Variants in RICTOR observed in about 807,000 individuals in gnomAD.
The protein encoded by RICTOR is rapamycin-insensitive companion of mTOR.
A neutral mutation model predicts 214.9 loss-of-function variants in RICTOR; 49 were observed. The observed-to-expected ratio is 0.23, with a 90% CI of 0.18 to 0.29. The LOEUF (loss-of-function observed/expected upper bound fraction) is 0.29. Among genes scored for constraint, RICTOR ranks in the 10% least tolerant of loss-of-function variants. The pLI is 1.00. For synonymous variants in RICTOR, 717 were observed against 711.3 expected, an observed-to-expected ratio of 1.01 and a Z score of -0.13; for missense variants, 1,625 against 2,047.0, an observed-to-expected ratio of 0.79 and a Z score of 3.98.
chr5:39,055,135 C>T (rs990793346), intron 2 of RICTOR, among the ~76,000 whole-genome samples: 5 of 152,128 alleles, frequency 3.3e-5, no homozygotes, highest in Non-Finnish European at 5.9e-5. Flanking sequence ...TCTAAATTAT[C>T]TCACCATATC....
Position 38,950,121 on chromosome 5 carries a change from C to T in RICTOR, c.3727G>A (p.Val1243Ile), listed in dbSNP as rs767114871. 1.2e-6 allele frequency: 2 copies of T among 1,613,420 alleles called. No homozygotes were observed. Among genetic ancestry groups the T allele is most frequent in the South Asian group, 1.1e-5 (1 of 91,062 alleles). ...TCTGTGTCCATAGTTGTAGCATCTACACCTACTGTCTCTCGTGAAGGACTT... is the reference window on the plus strand; with the variant it reads ...TCTGTGTCCATAGTTGTAGCATCTATACCTACTGTCTCTCGTGAAGGACTT... ...SSSPSRETVG[V>I]DATTMDTDCG... The change falls in exon 31 of 38, where the codon GTA (valine) becomes ATA (isoleucine). Residue 1243 changes from valine to isoleucine, a missense_variant. By Grantham distance (29) the Val-to-Ile change is conservative. Transcript: ENST00000357387.
In RICTOR at chr5:38,958,742, C is replaced by G; in HGVS notation, c.2268G>C (p.Val756=). ...TTTTGTTTTTATCATGTAGCTGGGT[C>G]ACTAACAACTCAATTCCCCAATTAT... ...FFNNWGIELL[V]TQLHDKNKTI... is the part of the protein sequence containing the mutation. Residue 756 remains valine (V), a synonymous_variant, in exon 23 of 38, where the codon GTG becomes GTC. Coordinates refer to ENST00000357387, the MANE Select transcript of RICTOR (RefSeq NM_152756.5). The G allele has an allele frequency of 6.2e-7, 1 of 1,611,014 alleles. No homozygotes were observed.
At chr5:38,985,016 T>C (rs1752051976) in intron 7 of RICTOR, among the ~76,000 whole-genome samples, 2 of 152,168 alleles carry the variant, frequency 1.3e-5, no homozygotes, top group African/African-American at 4.8e-5. Flanking sequence ...TCCATGTTGG[T>C]TGGCCAGGAT....
intron 2 of RICTOR, among the ~76,000 whole-genome samples, chr5:39,031,040 T>A (rs1415375225): frequency 6.6e-6 from 1 of 152,180 alleles, no homozygotes; most frequent in African/African-American, 2.4e-5. Context: ...TGTCATTATC[T>A]CTTCTTCTAG....
chr5:39,069,041 T>A (rs1384238890), intron 2 of RICTOR, among the ~76,000 whole-genome samples: 3 of 152,212 alleles, frequency 2.0e-5, no homozygotes, highest in Admixed American at 6.5e-5. Context: ...AGCTGAATAT[T>A]AAGTAAAATA....
intron 2 of RICTOR, among the ~76,000 whole-genome samples, chr5:39,034,388 G>A (rs555909274): frequency 1.3e-5 from 2 of 152,334 alleles, no homozygotes; most frequent in Admixed American, 1.3e-4. Flanking sequence ...CCCAGCATGA[G>A]CAATGCAGAA....
intron 3 of RICTOR, among the ~76,000 whole-genome samples, chr5:39,008,636 C>T (rs1754252897): frequency 6.6e-6 from 1 of 151,994 alleles, no homozygotes; most frequent in African/African-American, 2.4e-5. Flanking sequence ...ATCTGGAGAA[C>T]TGCACCCTGG....
chr5:38,971,634 G>A (rs1045309015), intron 11 of RICTOR: 6 of 265,772 alleles, frequency 2.3e-5, no homozygotes, highest in Non-Finnish European at 4.2e-5. Context: ...ACCCACTTCG[G>A]CCTCCCAAAG....
At position 38,945,471 on chromosome 5, in the gene RICTOR, G is replaced by A; in HGVS notation, c.4633+20C>T. The stretch of plus-strand genomic sequence containing the variant: ...TTAGTCATCACTAGGTTTTTCTGAA[G>A]GTGGGACGTGATCACTTACCTGAAT... On this transcript the variant is annotated intron_variant, in intron 34 of 37. Transcript: ENST00000357387. 2 of 1,513,742 alleles carry A rather than the reference G, an allele frequency of 1.3e-6. No homozygotes were observed. The highest frequency in any genetic ancestry group is 1.1e-5 in the South Asian group (1 of 87,840). The allele number at this position is 1,513,742 out of a possible 1,614,324, so 93.8% of individuals were successfully genotyped here. A position where few individuals can be genotyped will look rare whatever the true frequency, so the allele number is the denominator to read the frequency against.
chr5:39,004,776 C>CT (rs70982534), intron 3 of RICTOR, among the ~76,000 whole-genome samples: 1,303 of 105,746 alleles, frequency 0.012, 28 homozygotes, highest in South Asian at 0.026. Flanking sequence ...CTCTCAGACT[C>CT]TTTTTTTTTT....
intron 14 of RICTOR, 176 bp downstream of exon 14, chr5:38,966,985 G>C (rs1750287400): frequency 1.5e-6 from 1 of 664,952 alleles, no homozygotes; most frequent in Non-Finnish European, 2.7e-6. Context: ...ATTTTTAGTT[G>C]AGACACAGTT....
chr5:38,943,661 AAAT>A (rs2112794145), intron 36 of RICTOR, among the ~76,000 whole-genome samples: 1 of 152,136 alleles, frequency 6.6e-6, no homozygotes, highest in African/African-American at 2.4e-5. Flanking sequence ...AAAAATACAA[AAAT>A]TAGCTAGGTG....
chr5:38,949,561 C>T (rs1217377116), intron 31 of RICTOR, 151 bp downstream of exon 31: 7 of 1,045,796 alleles, frequency 6.7e-6, no homozygotes, highest in African/African-American at 1.6e-5. Flanking sequence ...CAAGTCATAT[C>T]GGGTAACAAG....
chr5:39,032,083 G>A (rs1296504082), intron 2 of RICTOR, among the ~76,000 whole-genome samples: 1 of 152,138 alleles, frequency 6.6e-6, no homozygotes, highest in African/African-American at 2.4e-5. Context: ...TCTTCTGAGG[G>A]CCTCTAGTTT....
At chr5:38,943,940 A>C (rs558788119) in intron 36 of RICTOR, among the ~76,000 whole-genome samples, 2 of 152,302 alleles carry the variant, frequency 1.3e-5, no homozygotes, top group African/African-American at 4.8e-5. Context: ...TGTTACATGT[A>C]AGCCCACTTT....
chr5:39,015,818 T>C (rs925624758), intron 3 of RICTOR, among the ~76,000 whole-genome samples: 1 of 152,066 alleles, frequency 6.6e-6, no homozygotes, highest in African/African-American at 2.4e-5. Flanking sequence ...CACTACCTAT[T>C]ACAGAGCACA....
intron 3 of RICTOR, among the ~76,000 whole-genome samples, chr5:39,014,499 T>C (rs1454720773): frequency 1.3e-5 from 2 of 152,130 alleles, no homozygotes; most frequent in Non-Finnish European, 2.9e-5. Flanking sequence ...ACTCAGCTTA[T>C]AATACCTTAA....
intron 9 of RICTOR, among the ~76,000 whole-genome samples, chr5:38,976,319 T>A (rs201870363): frequency 2.8e-5 from 4 of 145,052 alleles, no homozygotes; most frequent in East Asian, 2.0e-4. Flanking sequence ...CTTTTTTTTT[T>A]AATCTTTCCT....
intron 31 of RICTOR, among the ~76,000 whole-genome samples, chr5:38,948,561 G>A (rs1748427991): frequency 6.6e-6 from 1 of 151,892 alleles, no homozygotes; most frequent in Non-Finnish European, 1.5e-5. Flanking sequence ...TAATTTCTCT[G>A]CTTAAAAAAC....
Sources: allele counts gnomAD v4.1 joint callset (sites outside exome capture counted in the v4.1 genomes callset), GRCh38; gene constraint gnomAD v4.1.1; transcripts MANE v1.5; gene names NCBI Gene and HGNC (gene_info 2026-07-23, HGNC 2026-07-21).